ROBO1: variants seen among roughly 807,000 people sequenced by gnomAD.
ROBO1 encodes roundabout guidance receptor 1, also known as roundabout homolog 1.
In ROBO1, 149 loss-of-function variants were observed where a neutral mutation model predicts 195.9. The ratio of observed to expected loss-of-function variants is 0.76; its 90% CI spans 0.67 to 0.87. ROBO1 has a LOEUF of 0.87. ROBO1 is among the 40% of genes least tolerant of loss of function. ROBO1 has a pLI of 0.00. For synonymous variants in ROBO1, 816 were observed against 733.2 expected (o/e 1.11, Z -1.82); for missense variants, 1,933 against 2,068.3 (o/e 0.93, Z 1.27).
intron 1 of ROBO1, among the ~76,000 whole-genome samples, chr3:79,590,975 G>T (rs1405898160): frequency 6.6e-6 from 1 of 151,626 alleles, no homozygotes; most frequent in African/African-American, 2.4e-5. Flanking sequence ...GGCAAGTAAT[G>T]CAGGTAATGA....
At chr3:79,061,191 C>T (rs111489584) in intron 3 of ROBO1, among the ~76,000 whole-genome samples, 151,808 of 152,268 alleles carry the variant, frequency 1, 75,680 homozygotes, top group Middle Eastern at 1. Flanking sequence ...ATCACAAGCA[C>T]TCCTATACGC....
chr3:79,699,538 T>A (rs1441758087), intron 1 of ROBO1, among the ~76,000 whole-genome samples: 1 of 151,674 alleles, frequency 6.6e-6, no homozygotes, highest in Non-Finnish European at 1.5e-5. Flanking sequence ...CCTCTCACAG[T>A]CTCTTCCAAA....
chr3:78,711,431 CT>C (rs1445647608), intron 8 of ROBO1, among the ~76,000 whole-genome samples: 16 of 114,266 alleles, frequency 1.4e-4, no homozygotes, highest in African/African-American at 5.1e-4. Context: ...TTCTTTCTTT[CT>C]TTCTTTCTTT....
At chr3:78,853,163 A>G (rs2034179047) in intron 4 of ROBO1, among the ~76,000 whole-genome samples, 1 of 152,004 alleles carries the variant, frequency 6.6e-6, no homozygotes, top group South Asian at 2.1e-4. Context: ...GTCATCAGTT[A>G]TATAAGTGGT....
At chr3:79,559,590 G>A (rs1484423807) in intron 2 of ROBO1, among the ~76,000 whole-genome samples, 1 of 152,080 alleles carries the variant, frequency 6.6e-6, no homozygotes, top group African/African-American at 2.4e-5. Flanking sequence ...TAACACACTT[G>A]TCAAACACAG....
intron 1 of ROBO1, among the ~76,000 whole-genome samples, chr3:79,608,784 A>T (rs1944567290): frequency 6.6e-6 from 1 of 151,926 alleles, no homozygotes; most frequent in African/African-American, 2.4e-5. Context: ...TTCTTCCCTA[A>T]TGATCACTCT....
chr3:79,502,147 A>C (rs1002468878), intron 2 of ROBO1, among the ~76,000 whole-genome samples: 36 of 152,060 alleles, frequency 2.4e-4, no homozygotes, highest in Admixed American at 4.6e-4. Flanking sequence ...CTTGGCGCCC[A>C]CTCTGGCCGC....
intron 1 of ROBO1, among the ~76,000 whole-genome samples, chr3:79,748,343 C>G (rs1273348990): frequency 6.6e-6 from 1 of 152,078 alleles, no homozygotes; most frequent in African/African-American, 2.4e-5. Context: ...TTAAATGAAT[C>G]TGAATTATAT....
intron 3 of ROBO1, among the ~76,000 whole-genome samples, chr3:78,984,571 T>C (rs923366761): frequency 2.0e-5 from 3 of 152,186 alleles, no homozygotes; most frequent in Non-Finnish European, 4.4e-5. Flanking sequence ...TTCAGTGTAT[T>C]TCTCTGCTCT....
rs896107630 is a variant in ROBO1, at chr3:79,491,779, T to A, written c.88+98045A>T. Among the ~76,000 whole-genome samples, 5 of 143,588 alleles carry A rather than the reference T, an allele frequency of 3.5e-5. No individual in the cohort carries two copies. In the East Asian group the frequency reaches 1.0e-3, roughly 29 times the overall value. 94.2% of individuals were successfully genotyped at this position (143,588 alleles called of 152,430 possible). ...CATTTTCTTAGAAAATGATTTAATC[T>A]GACTTTTTTTTTTTTTTTAATTTTG... On this transcript the variant is annotated intron_variant, in intron 2 of 30. Transcript: ENST00000464233.
At chr3:78,851,112 C>T (rs1455943670) in intron 4 of ROBO1, among the ~76,000 whole-genome samples, 1 of 152,058 alleles carries the variant, frequency 6.6e-6, no homozygotes, top group African/African-American at 2.4e-5. Flanking sequence ...CCGGTCACAC[C>T]TATCATTTTC....
intron 2 of ROBO1, among the ~76,000 whole-genome samples, chr3:79,182,232 C>T (rs1416249047): frequency 2.6e-5 from 4 of 152,080 alleles, no homozygotes; most frequent in Non-Finnish European, 5.9e-5. Flanking sequence ...CTGTCCTTTC[C>T]TTCACTTTCC....
intron 25 of ROBO1, among the ~76,000 whole-genome samples, chr3:78,630,079 G>A (rs1387122413): frequency 3.9e-5 from 6 of 152,252 alleles, no homozygotes; most frequent in South Asian, 2.1e-4. Flanking sequence ...ATATATCTAC[G>A]AAATCAGCTT....
At position 79,128,825 on chromosome 3, in the gene ROBO1, A is replaced by C. The variant is rs558962832; in HGVS notation, c.89-3286T>G. Among the ~76,000 whole-genome samples the C allele has an allele frequency of 3.3e-5, 5 of 152,246 alleles. No individual in the cohort carries two copies. In the South Asian group the frequency reaches 1.0e-3, roughly 32 times the overall value. ...CTTGTTTTTTAAATTTGTTTTAAAA[A>C]ATCTTTTTTCTAGATTTTCTATCCA... On this transcript the variant is annotated intron_variant, in intron 2 of 30. Transcript: ENST00000464233.
chr3:79,406,344 G>A (rs1411091383), intron 2 of ROBO1, among the ~76,000 whole-genome samples: 2 of 151,830 alleles, frequency 1.3e-5, no homozygotes, highest in Non-Finnish European at 2.9e-5. Context: ...GCTGAGGTGA[G>A]ATCTCTTGAG....
intron 2 of ROBO1, among the ~76,000 whole-genome samples, chr3:79,467,262 T>C (rs1938012638): frequency 6.6e-6 from 1 of 151,992 alleles, no homozygotes; most frequent in Non-Finnish European, 1.5e-5. Flanking sequence ...TGGTTTACTT[T>C]GGCACCAGTG....
At chr3:78,780,130 T>C (rs990678824) in intron 4 of ROBO1, among the ~76,000 whole-genome samples, 2 of 151,952 alleles carry the variant, frequency 1.3e-5, no homozygotes, top group Non-Finnish European at 2.9e-5. Context: ...AGAAGAGGGA[T>C]AGCATTAGGA....
chr3:79,567,816 A>C (rs1315435080), intron 2 of ROBO1, among the ~76,000 whole-genome samples: 2 of 152,088 alleles, frequency 1.3e-5, no homozygotes. Context: ...AATTATTATA[A>C]ATTTGTGAGA....
chr3:79,441,538 C>A (rs180941216), intron 2 of ROBO1, among the ~76,000 whole-genome samples: 3 of 152,142 alleles, frequency 2.0e-5, no homozygotes, highest in Admixed American at 2.0e-4. Flanking sequence ...TTGAATAGAT[C>A]TGTTTTATAC....
Sources: gnomAD v4.1 joint callset for allele counts (sites outside exome capture counted in the v4.1 genomes callset) on GRCh38, gnomAD v4.1.1 for gene constraint, MANE v1.5 for transcripts, NCBI Gene and HGNC (gene_info 2026-07-23, HGNC 2026-07-21) for gene names.